XKR6: variants seen among roughly 807,000 people sequenced by gnomAD.
The protein encoded by XKR6 is XK related 6, also known as XK-related protein 6.
A neutral mutation model predicts 56.7 loss-of-function variants in XKR6; 22 were observed. That is an observed-to-expected ratio of 0.39 (90% CI 0.28 to 0.55). The LOEUF is 0.55. Ranked by LOEUF, XKR6 falls within the 20% of genes least tolerant of loss-of-function variation. XKR6 has a pLI of 0.66. For synonymous variants in XKR6, 524 were observed against 387.8 expected (o/e 1.35, Z -4.13); for missense variants, 852 against 889.0 (o/e 0.96, Z 0.53).
intron 1 of XKR6, among the ~76,000 whole-genome samples, chr8:10,987,043 G>A (rs1797879495): frequency 2.0e-5 from 3 of 151,950 alleles, no homozygotes; most frequent in African/African-American, 7.3e-5. Flanking sequence ...TCCCACTTCA[G>A]CCTCCCAAGT....
At chr8:11,106,863 A>AAAAAAAAAAAAAGAAAAAAAAAAAAAG (rs60435831) in intron 1 of XKR6, among the ~76,000 whole-genome samples, 1 of 109,902 alleles carries the variant, frequency 9.1e-6, no homozygotes, top group African/African-American at 4.6e-5. Context: ...AAAAAAAAAA[A>AAAAAAAAAAAAAGAAAAAAAAAAAAAG]AATAAAAAAG....
At chr8:11,181,991 C>A (rs957885072) in intron 1 of XKR6, among the ~76,000 whole-genome samples, 7 of 152,194 alleles carry the variant, frequency 4.6e-5, no homozygotes, top group Admixed American at 2.0e-4. Flanking sequence ...CACCATGTTG[C>A]CCAGGCTGGT....
chr8:11,093,496 G>A (rs1479413331), intron 1 of XKR6, among the ~76,000 whole-genome samples: 8 of 152,178 alleles, frequency 5.3e-5, no homozygotes, highest in East Asian at 1.9e-4. Flanking sequence ...TGTGGGTGGC[G>A]TCTTGTGCCA....
intron 1 of XKR6, among the ~76,000 whole-genome samples, chr8:11,159,064 C>T (rs1391934642): frequency 6.6e-6 from 1 of 152,206 alleles, no homozygotes; most frequent in East Asian, 1.9e-4. Flanking sequence ...AAATTACTTA[C>T]CTTCTTTAAG....
At chr8:10,968,028 G>C (rs1802281533) in intron 1 of XKR6, among the ~76,000 whole-genome samples, 1 of 152,194 alleles carries the variant, frequency 6.6e-6, no homozygotes, top group African/African-American at 2.4e-5. Context: ...GCCACCTGTG[G>C]ACATGCAGAG....
chr8:10,982,341 G>GT (rs1322626791), intron 1 of XKR6, among the ~76,000 whole-genome samples: 3 of 152,208 alleles, frequency 2.0e-5, no homozygotes, highest in African/African-American at 4.8e-5. Context: ...TATGTATTCT[G>GT]TTTTTTCTGT....
chr8:11,151,512 G>T (rs1801266091), intron 1 of XKR6, among the ~76,000 whole-genome samples: 1 of 152,158 alleles, frequency 6.6e-6, no homozygotes, highest in African/African-American at 2.4e-5. Flanking sequence ...AAGAACAGAT[G>T]TAATATAATT....
chr8:11,188,001 G>T (rs961164760), intron 1 of XKR6, among the ~76,000 whole-genome samples: 16 of 152,112 alleles, frequency 1.1e-4, no homozygotes, highest in African/African-American at 3.4e-4. Context: ...AAGTTACATA[G>T]TTTTAAGTAG....
intron 1 of XKR6, among the ~76,000 whole-genome samples, chr8:11,097,061 A>T (rs1175763902): frequency 6.6e-6 from 1 of 152,210 alleles, no homozygotes; most frequent in Non-Finnish European, 1.5e-5. Context: ...AAGGTTGCCT[A>T]GAGTCAAGTT....
intron 1 of XKR6, among the ~76,000 whole-genome samples, chr8:11,063,516 C>CA (rs35995429): frequency 0.36 from 42,943 of 120,480 alleles, 7,234 homozygotes; most frequent in African/African-American, 0.5. Context: ...GGCCCTGTCT[C>CA]AAAAAAAAAA....
intron 1 of XKR6, among the ~76,000 whole-genome samples, chr8:11,147,475 G>A (rs1487053311): frequency 1.3e-5 from 2 of 152,010 alleles, no homozygotes; most frequent in African/African-American, 4.8e-5. Flanking sequence ...GGCCAACATG[G>A]TGAAACCCCA....
At chr8:10,973,142 TTTAA>T (rs1284320377) in intron 1 of XKR6, among the ~76,000 whole-genome samples, 2 of 152,206 alleles carry the variant, frequency 1.3e-5, no homozygotes, top group Non-Finnish European at 2.9e-5. Flanking sequence ...GGACTAGAGT[TTTAA>T]TTAAGAGGAA....
chr8:10,926,595 T>G (rs1392211806), intron 1 of XKR6, among the ~76,000 whole-genome samples: 1 of 152,202 alleles, frequency 6.6e-6, no homozygotes, highest in African/African-American at 2.4e-5. Flanking sequence ...GGAGGAAGGT[T>G]GGGGCACCAG....
At chr8:11,186,780 C>T (rs1418325900) in intron 1 of XKR6, among the ~76,000 whole-genome samples, 2 of 152,142 alleles carry the variant, frequency 1.3e-5, no homozygotes, top group African/African-American at 4.8e-5. Flanking sequence ...TCGAAGCCAC[C>T]ACCAGCCATA....
At chr8:11,088,668 G>A (rs989078831) in intron 1 of XKR6, among the ~76,000 whole-genome samples, 6 of 152,176 alleles carry the variant, frequency 3.9e-5, no homozygotes, top group African/African-American at 1.4e-4. Flanking sequence ...TTCAAGTGAT[G>A]AGGATTAAAC....
At chr8:10,902,279 T>C (rs1206734622) in intron 2 of XKR6, among the ~76,000 whole-genome samples, 3 of 152,214 alleles carry the variant, frequency 2.0e-5, no homozygotes, top group Admixed American at 6.5e-5. Context: ...CAGCCCAGTT[T>C]TAAGTCTCTG....
chr8:11,128,616 C>T (rs903198137), intron 1 of XKR6, among the ~76,000 whole-genome samples: 6 of 152,232 alleles, frequency 3.9e-5, no homozygotes, highest in African/African-American at 9.6e-5. Flanking sequence ...CTAGAGTACC[C>T]GCAGTACTCT....
chr8:10,898,826 C>G lies in XKR6; in HGVS notation c.1052G>C (p.Ser351Thr). ...LLRDSRDDKK[S>T]MSYRGAIIQV... ...GATGATGGCCCCTCTGTAGCTCATG[C>G]TCTTCTTGTCGTCCCTGGAGTCCCG... Residue 351 changes from serine (S) to threonine (T), a missense_variant, in exon 3 of 3, where the codon AGC becomes ACC. Physicochemically the swap from Ser to Thr is moderately conservative, Grantham distance 58. Around this residue, in one of 4 missense-constraint regions of XKR6, gnomAD observed 199 missense variants for 280.4 expected, o/e 0.71. Coordinates refer to ENST00000416569, the MANE Select transcript of XKR6 (RefSeq NM_173683.4). The surrounding 1 kb of genome is among the most constrained non-coding windows in gnomAD (Gnocchi z 6.6). 1 of 1,614,186 alleles carries G rather than the reference C, an allele frequency of 6.2e-7. No homozygotes were observed.
In XKR6 at chr8:11,130,011, G is replaced by A. The variant is rs552228374; in HGVS notation, c.764+70565C>T. Reference sequence around the variant, plus strand: ...GGAAATCCCTATCACATTTCTTACAGAGAAGATCTGACAATAAAGCGCTGA... The same window carrying A: ...GGAAATCCCTATCACATTTCTTACAAAGAAGATCTGACAATAAAGCGCTGA... On this transcript the variant is annotated intron_variant, in intron 1 of 2. Coordinates refer to ENST00000416569, the MANE Select transcript of XKR6 (RefSeq NM_173683.4). Among the ~76,000 whole-genome samples, 6 of 152,192 alleles carry A rather than the reference G, an allele frequency of 3.9e-5. 1 individual carries two copies. The highest frequency in any genetic ancestry group is 1.4e-4 in the African/African-American group (6 of 41,500).
Sources: allele counts gnomAD v4.1 joint callset (sites outside exome capture counted in the v4.1 genomes callset), GRCh38; gene constraint gnomAD v4.1.1; regional missense constraint gnomAD v4.1.1; non-coding constraint Gnocchi (gnomAD v3.1); transcripts MANE v1.5; gene names NCBI Gene and HGNC (gene_info 2026-07-23, HGNC 2026-07-21).